Variants in EXD2 observed in about 807,000 individuals in gnomAD.
The protein encoded by EXD2 is exonuclease 3'-5' domain-containing protein 2.
In EXD2, 40 loss-of-function variants were observed where a neutral mutation model predicts 62.5. The ratio of observed to expected loss-of-function variants is 0.64; its 90% CI spans 0.50 to 0.83. EXD2 has a LOEUF of 0.83. EXD2 is among the 40% of genes least tolerant of loss of function. The pLI, the probability that EXD2 is intolerant of heterozygous loss-of-function variation, is 0.00. For synonymous variants in EXD2, 239 were observed against 291.9 expected, an observed-to-expected ratio of 0.82 and a Z score of 1.85; for missense variants, 671 against 761.8, an observed-to-expected ratio of 0.88 and a Z score of 1.40.
intron 8 of EXD2, among the ~76,000 whole-genome samples, chr14:69,237,276 T>C (rs1219564249): frequency 1.3e-5 from 2 of 152,318 alleles, no homozygotes; most frequent in South Asian, 2.1e-4. Flanking sequence ...TCTGAGACTT[T>C]CCCTTCTGGG....
chr14:69,206,873 T>C (rs1209948062), intron 2 of EXD2, among the ~76,000 whole-genome samples: 1 of 152,206 alleles, frequency 6.6e-6, no homozygotes, highest in Non-Finnish European at 1.5e-5. Context: ...CATTTTTATC[T>C]TTTCAGTGGT....
At chr14:69,201,164 A>G (rs2042384782) in intron 1 of EXD2, among the ~76,000 whole-genome samples, 2 of 151,106 alleles carry the variant, frequency 1.3e-5, no homozygotes, top group Admixed American at 6.6e-5. Flanking sequence ...TTTTACATGT[A>G]TAATACATCT....
Position 69,242,138 on chromosome 14 carries a change from C to T in EXD2, c.*1038C>T. The stretch of plus-strand genomic sequence containing the variant: ...GATGTTCAAAAGAGGAGCGTTGTTT[C>T]ATCTTTCAAAATGTTAGGCCATTAC... On this transcript the variant is annotated 3_prime_UTR_variant, in exon 10 of 10. Transcript: ENST00000685843. 1 of 398,354 alleles carries T rather than the reference C, an allele frequency of 2.5e-6. No homozygotes were observed. The highest frequency in any genetic ancestry group is 3.6e-5 in the East Asian group (1 of 28,072). The allele number at this position is 398,354 out of a possible 1,614,324, so 24.7% of individuals were successfully genotyped here.
intron 3 of EXD2, among the ~76,000 whole-genome samples, chr14:69,219,805 C>T (rs2043108091): frequency 6.6e-6 from 1 of 152,090 alleles, no homozygotes; most frequent in Admixed American, 6.5e-5. Context: ...CTTTCCCGTC[C>T]TTGTCATTTT....
At chr14:69,207,932 C>CT (rs1437185651) in intron 2 of EXD2, among the ~76,000 whole-genome samples, 1 of 149,162 alleles carries the variant, frequency 6.7e-6, no homozygotes, top group Non-Finnish European at 1.5e-5. Context: ...GAGTCTTACT[C>CT]TTATCACCCA....
intron 2 of EXD2, among the ~76,000 whole-genome samples, chr14:69,204,727 T>C (rs1278878697): frequency 6.6e-6 from 1 of 152,214 alleles, no homozygotes; most frequent in African/African-American, 2.4e-5. Context: ...TACTACCTCT[T>C]TATAACATCA....
intron 1 of EXD2, among the ~76,000 whole-genome samples, chr14:69,199,590 C>T (rs1206141513): frequency 6.7e-6 from 1 of 149,674 alleles, no homozygotes; most frequent in African/African-American, 2.4e-5. Flanking sequence ...AAGCTCTTTT[C>T]AACTTAAAAT....
rs1368124558 is a variant in EXD2, at chr14:69,209,618, A to G, written c.148A>G (p.Ser50Gly). The part of the protein sequence containing the change: ...TQQPQQKVLG[S>G]RELPPPEDDQ... ...ACAGCCACAGCAGAAAGTGCTGGGCAGTAGAGAGCTGCCCCCTCCAGAAGA... is the reference window on the plus strand; with the variant it reads ...ACAGCCACAGCAGAAAGTGCTGGGCGGTAGAGAGCTGCCCCCTCCAGAAGA... The change falls in exon 3 of 10, where the codon AGT (serine) becomes GGT (glycine). Residue 50 changes from serine (S) to glycine (G), a missense_variant. Physicochemically the swap from Ser to Gly is moderately conservative, Grantham distance 56 (BLOSUM62 0). Transcript: ENST00000685843. 2.6e-6 allele frequency: 4 copies of G among 1,550,578 alleles called. No individual in the cohort carries two copies. The highest frequency in any genetic ancestry group is 1.7e-4 in the Middle Eastern group (1 of 5,992).
chr14:69,219,875 G>A (rs1241497857), intron 3 of EXD2, among the ~76,000 whole-genome samples: 1 of 152,174 alleles, frequency 6.6e-6, no homozygotes, highest in Non-Finnish European at 1.5e-5. Flanking sequence ...TTCAGTAGAT[G>A]TGGTGATAGT....
chr14:69,213,557 T>TTTTG (rs3045585), intron 3 of EXD2, among the ~76,000 whole-genome samples: 1 of 145,318 alleles, frequency 6.9e-6, no homozygotes, highest in Non-Finnish European at 1.5e-5. Context: ...TTTTTTTTTT[T>TTTTG]GTAGAAATGG....
At chr14:69,233,688 G>A (rs189901683) in intron 5 of EXD2, among the ~76,000 whole-genome samples, 44 of 151,438 alleles carry the variant, frequency 2.9e-4, no homozygotes, top group African/African-American at 1.0e-3. Flanking sequence ...TGATCTACCC[G>A]CCTCAGCCTC....
At chr14:69,202,112 G>A (rs1376428161) in intron 1 of EXD2, among the ~76,000 whole-genome samples, 5 of 151,984 alleles carry the variant, frequency 3.3e-5, no homozygotes, top group Non-Finnish European at 7.4e-5. Context: ...GCAACCTGGC[G>A]AAACCCCGTT....
At chr14:69,202,938 C>G (rs1253387202) in intron 1 of EXD2, among the ~76,000 whole-genome samples, 1 of 152,162 alleles carries the variant, frequency 6.6e-6, no homozygotes, top group Non-Finnish European at 1.5e-5. Flanking sequence ...CTTTATATGA[C>G]CCAACAATGA....
intron 3 of EXD2, among the ~76,000 whole-genome samples, chr14:69,219,660 C>A (rs939020778): frequency 2.0e-5 from 3 of 152,138 alleles, no homozygotes; most frequent in Non-Finnish European, 4.4e-5. Flanking sequence ...GTTTCTGGTA[C>A]ATGGAAAAAT....
chr14:69,223,399 G>A (rs2043252497), intron 3 of EXD2, among the ~76,000 whole-genome samples: 1 of 152,166 alleles, frequency 6.6e-6, no homozygotes, highest in Admixed American at 6.5e-5. Flanking sequence ...ATTAAAATCA[G>A]TGAGACATTC....
rs184687038 is a variant in EXD2, at chr14:69,238,847, C to T, written c.1649+916C>T. On this transcript the variant is annotated intron_variant, in intron 9 of 9. Coordinates refer to ENST00000685843, the MANE Select transcript of EXD2 (RefSeq NM_001193360.2). ...ATGGGGTTTCACCAGGCTGCCCAGG[C>T]TGGTCTCAGATTCCTGACCTCAAGC... Among the ~76,000 whole-genome samples, 184 of 152,254 alleles carry T rather than the reference C, an allele frequency of 1.2e-3. No homozygotes were observed. The Middle Eastern group carries it at 0.014, about 11-fold the overall frequency.
At chr14:69,228,654 A>C (rs1431491304) in intron 3 of EXD2, among the ~76,000 whole-genome samples, 162 bp from the exon 4 acceptor site, 1 of 152,052 alleles carries the variant, frequency 6.6e-6, no homozygotes, top group Non-Finnish European at 1.5e-5. Flanking sequence ...AGTCCATTGC[A>C]TTTGTTACTG....
chr14:69,202,268 TG>T (rs558028878), intron 1 of EXD2, among the ~76,000 whole-genome samples: 2,001 of 151,934 alleles, frequency 0.013, 41 homozygotes, highest in African/African-American at 0.047. Flanking sequence ...CCTAGCTACT[TG>T]GGGGGGTTGA....
rs2043465855 is a variant in EXD2, at chr14:69,228,891, C to T, written c.409C>T (p.Arg137Cys). 7 of 1,614,144 alleles carry T rather than the reference C, an allele frequency of 4.3e-6. No individual in the cohort carries two copies. Among genetic ancestry groups the T allele is most frequent in the Admixed American group, 1.7e-5 (1 of 60,014 alleles). ...CCCAAGTGGCCTGTGTGTCTTGGTT[C>T]GCCTGCCCAAGCTAATCTGTGGAGG... Reference protein sequence around the residue: ...ASPSGLCVLVRLPKLICGGKT... With the variant: ...ASPSGLCVLVCLPKLICGGKT... The change falls in exon 4 of 10, where the codon CGC becomes TGC. Residue 137 changes from arginine to cysteine, a missense_variant. Arg to Cys is a radical substitution (Grantham distance 180). Transcript: ENST00000685843.
Sources: gnomAD v4.1 joint callset for allele counts (sites outside exome capture counted in the v4.1 genomes callset) on GRCh38, gnomAD v4.1.1 for gene constraint, MANE v1.5 for transcripts, NCBI Gene and HGNC (gene_info 2026-07-23, HGNC 2026-07-21) for gene names.